Variants in ADAMTSL3 observed in about 807,000 individuals in gnomAD.
The protein encoded by ADAMTSL3 is ADAMTS like 3.
A neutral mutation model predicts 201.7 loss-of-function variants in ADAMTSL3; 128 were observed. The ratio of observed to expected loss-of-function variants is 0.63; its 90% confidence interval spans 0.55 to 0.73. The LOEUF (loss-of-function observed/expected upper bound fraction) is 0.73, where lower values mean the gene tolerates loss of function less well. Among genes scored for constraint, ADAMTSL3 ranks in the 30% least tolerant of loss-of-function variants. ADAMTSL3 has a pLI of 0.00. For missense variants in ADAMTSL3, 1,990 were observed against 2,119.6 expected, an observed-to-expected ratio of 0.94 and a Z score of 1.20; for synonymous variants, 738 against 748.4, an observed-to-expected ratio of 0.99 and a Z score of 0.23.
Position 83,704,453 on chromosome 15 carries a change from G to A in ADAMTSL3, c.134G>A (p.Ser45Asn), listed in dbSNP as rs1476025375. 2 of 1,614,232 alleles carry A rather than the reference G, an allele frequency of 1.2e-6. No individual in the cohort carries two copies. The highest frequency in any genetic ancestry group is 3.3e-5 in the Admixed American group (2 of 60,028). The change falls in exon 3 of 30, where the codon AGT (serine) becomes AAT (asparagine). Residue 45 changes from serine (S) to asparagine (N), a missense_variant. By Grantham distance (46) the Ser-to-Asn change is conservative (BLOSUM62 1). Transcript: ENST00000286744. The part of the protein sequence containing the change: ...LPEFALSPQG[S>N]FLEDTTGEQF... ...GAGTTTGCACTTTCTCCTCAGGGAA[G>A]TTTTCTGGAAGACACAACAGGGGAG...
Position 83,781,874 on chromosome 15 carries a change from A to C in ADAMTSL3, c.317+8224A>C, listed in dbSNP as rs2063175327. On this transcript the variant is annotated intron_variant, in intron 4 of 29. Transcript: ENST00000286744. ...AAAATCAAAACCACAATGCGATAAC[A>C]TGTCACACCATTCAGACTGGCTGTT... Among the ~76,000 whole-genome samples, 2 of 152,214 alleles carry C rather than the reference A, an allele frequency of 1.3e-5. 1 individual carries two copies. Among genetic ancestry groups the C allele is most frequent in the South Asian group, 4.1e-4 (2 of 4,834 alleles).
chr15:83,782,939 A>G (rs971353639), intron 4 of ADAMTSL3, among the ~76,000 whole-genome samples: 4 of 147,738 alleles, frequency 2.7e-5, no homozygotes, highest in African/African-American at 7.4e-5. Flanking sequence ...TTATATGTAT[A>G]TATACACACA....
chr15:83,908,936 G>A (rs1384380436), intron 15 of ADAMTSL3, among the ~76,000 whole-genome samples: 5 of 152,176 alleles, frequency 3.3e-5, no homozygotes, highest in Admixed American at 3.3e-4. Context: ...ATAATTGGCA[G>A]AATTCAGTTC....
chr15:84,038,528 T>C lies in ADAMTSL3; in HGVS notation c.*722T>C, dbSNP rs886747600. 1 of 152,662 alleles carries C rather than the reference T, an allele frequency of 6.6e-6. No individual in the cohort carries two copies. The allele number at this position is 152,662 out of a possible 1,614,324, so 9.5% of individuals were successfully genotyped here. ...AAGAGGGAAAGTTAACCTTTTCTAC[T>C]GATTTCGTAGTATATTCAGAGCTTT... On this transcript the variant is annotated 3_prime_UTR_variant, in exon 30 of 30. Coordinates refer to ENST00000286744, the MANE Select transcript of ADAMTSL3 (RefSeq NM_207517.3).
At chr15:83,866,175 T>C (rs1239473507) in intron 8 of ADAMTSL3, among the ~76,000 whole-genome samples, 3 of 152,200 alleles carry the variant, frequency 2.0e-5, no homozygotes, top group Admixed American at 6.5e-5. Flanking sequence ...TGTAAACTAG[T>C]TCAACCATTG....
At chr15:84,017,263 A>G (rs535403722) in intron 25 of ADAMTSL3, among the ~76,000 whole-genome samples, 46 of 152,030 alleles carry the variant, frequency 3.0e-4, no homozygotes, top group East Asian at 1.6e-3. Flanking sequence ...GACTACAGCC[A>G]CCCGCCACCA....
rs2061549883 is a variant in ADAMTSL3, at chr15:83,687,228, G to C, written c.70-17161G>C. ...CTAAAATAAAATAAAATTAAATTAA[G>C]TTGAAAGTATCAAGTGAAAATTAAT... is the stretch of plus-strand genomic sequence containing the variant. On this transcript the variant is annotated intron_variant, in intron 2 of 29. Transcript: ENST00000286744. 2.6e-5 allele frequency among the ~76,000 whole-genome samples: 4 copies of C among 151,968 alleles called. No homozygotes were observed. In the South Asian group the frequency reaches 8.3e-4, roughly 32 times the overall value.
At chr15:83,868,319 A>G (rs1168636543) in intron 8 of ADAMTSL3, among the ~76,000 whole-genome samples, 1 of 152,222 alleles carries the variant, frequency 6.6e-6, no homozygotes, top group Non-Finnish European at 1.5e-5. Flanking sequence ...ATAAAAACTT[A>G]AAGGTATCCA....
At chr15:83,882,909 CAG>C (rs1236671203) in intron 9 of ADAMTSL3, among the ~76,000 whole-genome samples, 1 of 151,942 alleles carries the variant, frequency 6.6e-6, no homozygotes, top group Non-Finnish European at 1.5e-5. Context: ...CATTTTGAAA[CAG>C]AGACTTCTGT....
intron 9 of ADAMTSL3, among the ~76,000 whole-genome samples, chr15:83,874,592 G>A (rs1009944123): frequency 7.0e-6 from 1 of 143,860 alleles, no homozygotes; most frequent in African/African-American, 2.7e-5. Context: ...TTAATTGTTA[G>A]TAGCTCCTCC....
chr15:83,738,740 A>C (rs1234866085), intron 3 of ADAMTSL3, among the ~76,000 whole-genome samples: 2 of 151,276 alleles, frequency 1.3e-5, no homozygotes, highest in Non-Finnish European at 3.0e-5. Context: ...TTAAAAATAC[A>C]AAAAAATTAG....
chr15:83,953,833 C>T (rs557427470), intron 19 of ADAMTSL3, among the ~76,000 whole-genome samples: 22 of 152,082 alleles, frequency 1.4e-4, no homozygotes, highest in Non-Finnish European at 2.8e-4. Context: ...AGTTTTGTTC[C>T]TTCAGCACTT....
intron 23 of ADAMTSL3, among the ~76,000 whole-genome samples, chr15:84,013,993 C>T (rs1456518747): frequency 6.6e-6 from 1 of 152,236 alleles, no homozygotes; most frequent in Non-Finnish European, 1.5e-5. Context: ...CTTACTTTTG[C>T]TCCCTGAAGT....
In ADAMTSL3 at chr15:83,891,323, T is replaced by C. The variant is rs1253304742; in HGVS notation, c.1212-6T>C. The C allele has an allele frequency of 4.4e-6, 7 of 1,599,366 alleles. No individual in the cohort carries two copies. The highest frequency in any genetic ancestry group is 6.0e-6 in the Non-Finnish European group (7 of 1,167,034). ...AATGATATTCTCACAATGATTTCAT[T>C]TGTAGTGATGGATTTAAAGAGATAA... On this transcript the variant is annotated splice_region_variant and splice_polypyrimidine_tract_variant and intron_variant, in intron 11 of 29. Transcript: ENST00000286744.
At chr15:83,807,313 G>T (rs535755293) in intron 5 of ADAMTSL3, among the ~76,000 whole-genome samples, 28 of 152,152 alleles carry the variant, frequency 1.8e-4, no homozygotes, top group African/African-American at 6.7e-4. Context: ...AAAATTAGCT[G>T]GGTGTGGTGG....
Position 83,872,686 on chromosome 15 carries a change from T to C in ADAMTSL3, c.960+1727T>C, listed in dbSNP as rs62025826. On this transcript the variant is annotated intron_variant, in intron 9 of 29. Coordinates refer to ENST00000286744, the MANE Select transcript of ADAMTSL3 (RefSeq NM_207517.3). The stretch of plus-strand genomic sequence containing the variant: ...GAATCTGTATTCTTCTCAAGTCAAC[T>C]TGGAGGTCCTTGACTGAATAGGAGA... Among the ~76,000 whole-genome samples the C allele has an allele frequency of 8.2e-3, 905 of 110,260 alleles. 82 individuals are homozygous for C. Among genetic ancestry groups the C allele is most frequent in the Non-Finnish European group, 0.012 (624 of 53,110 alleles). The allele number at this position is 110,260 out of a possible 152,430, so 72.3% of individuals were successfully genotyped here.
chr15:83,997,001 G>A (rs571582478), intron 23 of ADAMTSL3, among the ~76,000 whole-genome samples: 2 of 152,230 alleles, frequency 1.3e-5, no homozygotes, highest in South Asian at 4.2e-4. Flanking sequence ...AGAGCATGGA[G>A]AAATAGGACA....
chr15:84,010,604 TAGAG>T lies in ADAMTSL3; in HGVS notation c.3974-3935_3974-3932del, dbSNP rs371315684. Reference sequence around the variant, plus strand: ...TAATGCTATAAAAGAATTCTGGTCATAGAGAGTGAATAATGAGAGTGAATTAAAT... The same window carrying T: ...TAATGCTATAAAAGAATTCTGGTCATAGTGAATAATGAGAGTGAATTAAAT... On this transcript the variant is annotated intron_variant, in intron 23 of 29. Coordinates refer to ENST00000286744, the MANE Select transcript of ADAMTSL3 (RefSeq NM_207517.3). Among the ~76,000 whole-genome samples, 24 of 152,252 alleles carry T rather than the reference TAGAG, an allele frequency of 1.6e-4. No individual in the cohort carries two copies. The East Asian group carries it at 4.4e-3, about 28-fold the overall frequency.
chr15:83,920,433 A>G (rs2066117773), intron 16 of ADAMTSL3, among the ~76,000 whole-genome samples: 1 of 152,304 alleles, frequency 6.6e-6, no homozygotes, highest in Middle Eastern at 3.4e-3. Context: ...ATTGGTTCCT[A>G]AAAAGAACTC....
Sources: allele counts gnomAD v4.1 joint callset (sites outside exome capture counted in the v4.1 genomes callset), GRCh38; gene constraint gnomAD v4.1.1; transcripts MANE v1.5; gene names NCBI Gene and HGNC (gene_info 2026-07-23, HGNC 2026-07-21).